Variants in ZFP82 observed in about 807,000 individuals in gnomAD.
ZFP82 encodes the protein ZFP82 zinc finger protein.
ZFP82 carries 30 observed loss-of-function variants against 54.0 expected under a neutral mutation model. The ratio of observed to expected loss-of-function variants is 0.56; its 90% CI spans 0.42 to 0.75. ZFP82 has a LOEUF of 0.75. Ranked by LOEUF, ZFP82 falls within the 30% of genes least tolerant of loss-of-function variation. ZFP82 has a pLI of 0.00. For synonymous variants in ZFP82, 194 were observed against 209.5 expected, an observed-to-expected ratio of 0.93 and a Z score of 0.64; for missense variants, 500 against 636.8, an observed-to-expected ratio of 0.79 and a Z score of 2.31.
intron 1 of ZFP82, among the ~76,000 whole-genome samples, chr19:36,411,081 T>C (rs2032571317): frequency 6.7e-6 from 1 of 149,310 alleles, no homozygotes; most frequent in Non-Finnish European, 1.5e-5. Context: ...TAATCCCAGT[T>C]ACTGGGGAGG....
intron 3 of ZFP82, among the ~76,000 whole-genome samples, chr19:36,406,816 T>C (rs2032489694): frequency 6.6e-6 from 1 of 152,160 alleles, no homozygotes; most frequent in Admixed American, 6.5e-5. Context: ...AATTATTTTG[T>C]CTTTTGACTA....
chr19:36,410,024 A>T (rs1302954981), intron 1 of ZFP82, among the ~76,000 whole-genome samples, 157 bp from the exon 2 acceptor site: 1 of 151,954 alleles, frequency 6.6e-6, no homozygotes, highest in Non-Finnish European at 1.5e-5. Context: ...GAGAGAGAGA[A>T]ATTTGAGGGA....
chr19:36,394,414 G>A (rs190799651), intron 4 of ZFP82: 3 of 303,492 alleles, frequency 9.9e-6, no homozygotes, highest in Admixed American at 9.7e-5. Flanking sequence ...AAACCACCTG[G>A]ATCAGACTCT....
intron 4 of ZFP82, among the ~76,000 whole-genome samples, chr19:36,402,468 C>CAAAAAAAAA (rs377338348): frequency 0.048 from 2,775 of 57,326 alleles, 650 homozygotes; most frequent in African/African-American, 0.12. Flanking sequence ...GACTCCATCT[C>CAAAAAAAAA]AAAAAAAAAA....
At chr19:36,402,621 T>C (rs2032407805) in intron 4 of ZFP82, among the ~76,000 whole-genome samples, 1 of 152,100 alleles carries the variant, frequency 6.6e-6, no homozygotes, top group South Asian at 2.1e-4. Flanking sequence ...TACCCTAAAA[T>C]AAGTGTCCTT....
intron 1 of ZFP82, among the ~76,000 whole-genome samples, chr19:36,415,878 T>A (rs2032660905): frequency 6.6e-6 from 1 of 152,216 alleles, no homozygotes; most frequent in Non-Finnish European, 1.5e-5. Context: ...ATGGGCTATT[T>A]TCACTCTCAA....
chr19:36,405,944 C>T (rs745347467), intron 3 of ZFP82, among the ~76,000 whole-genome samples: 1 of 152,120 alleles, frequency 6.6e-6, no homozygotes, highest in Non-Finnish European at 1.5e-5. Context: ...GGTGCAAATC[C>T]TGCCTGAACC....
rs1477564069 is a variant in ZFP82, at chr19:36,392,172, G to A, written c.*569C>T. 1.3e-5 allele frequency: 2 copies of A among 152,610 alleles called. No homozygotes were observed. The highest frequency in any genetic ancestry group is 2.9e-5 in the Non-Finnish European group (2 of 68,080). The allele number at this position is 152,610 out of a possible 1,614,324, so 9.5% of individuals were successfully genotyped here. On this transcript the variant is annotated 3_prime_UTR_variant, in exon 5 of 5. Transcript: ENST00000392161. ...GTGGATGTCAAGAAGACAGGGTTCA[G>A]CAGGTGCCTCTCCCTCTCTACGTAG...
chr19:36,401,633 C>T (rs555630253), intron 4 of ZFP82, among the ~76,000 whole-genome samples: 3 of 152,354 alleles, frequency 2.0e-5, no homozygotes, highest in South Asian at 2.1e-4. Flanking sequence ...GCCTCAGTAT[C>T]GGTGCTTCCT....
chr19:36,399,401 T>C (rs1056841608), intron 4 of ZFP82, among the ~76,000 whole-genome samples: 14 of 152,170 alleles, frequency 9.2e-5, no homozygotes, highest in African/African-American at 3.4e-4. Flanking sequence ...GTGTTCAAAG[T>C]GGTCAGATAA....
At chr19:36,411,021 T>C (rs1429575765) in intron 1 of ZFP82, among the ~76,000 whole-genome samples, 1 of 151,840 alleles carries the variant, frequency 6.6e-6, no homozygotes, top group East Asian at 2.0e-4. Flanking sequence ...GGTAAAACCC[T>C]GTCTCTACTA....
chr19:36,405,186 G>GAAAAAAAAAAAAAAAAA (rs35735133), intron 4 of ZFP82, among the ~76,000 whole-genome samples: 1 of 88,512 alleles, frequency 1.1e-5, no homozygotes. Context: ...CTGCATCTCA[G>GAAAAAAAAAAAAAAAAA]AAAAAAAAAA....
chr19:36,415,254 A>G (rs533908232), intron 1 of ZFP82, among the ~76,000 whole-genome samples: 67 of 152,376 alleles, frequency 4.4e-4, no homozygotes, highest in African/African-American at 1.6e-3. Flanking sequence ...ACATTAGAAT[A>G]GTAATATTTA....
chr19:36,403,379 C>T (rs12460470), intron 4 of ZFP82, among the ~76,000 whole-genome samples: 95,236 of 141,496 alleles, frequency 0.67, 32,515 homozygotes, highest in African/African-American at 0.75. Context: ...ATCCCAGCAC[C>T]TTGGGATCCA....
At chr19:36,395,248 C>T (rs1020897424) in intron 4 of ZFP82, 2 of 152,166 alleles carry the variant, frequency 1.3e-5, no homozygotes, top group African/African-American at 4.8e-5. Context: ...AGGAGTTCTA[C>T]CTACTCAATC....
chr19:36,405,709 T>TA (rs2032470604), intron 3 of ZFP82, 37 bp from the exon 4 acceptor site: 1 of 1,465,872 alleles, frequency 6.8e-7, no homozygotes, highest in Non-Finnish European at 9.3e-7. Flanking sequence ...TACATGAAAA[T>TA]AAAAAATAAA....
intron 4 of ZFP82, 23 bp from the exon 5 acceptor site, chr19:36,394,133 A>T: frequency 6.3e-7 from 1 of 1,575,776 alleles, no homozygotes. Flanking sequence ...AAGAAAGCAA[A>T]CACATGCTGT....
intron 1 of ZFP82, among the ~76,000 whole-genome samples, chr19:36,414,108 G>A (rs373526138): frequency 1.3e-4 from 20 of 151,864 alleles, no homozygotes; most frequent in African/African-American, 4.6e-4. Flanking sequence ...CACCATGTTA[G>A]CCAACATAGT....
chr19:36,416,013 T>C (rs1245153487), intron 1 of ZFP82, among the ~76,000 whole-genome samples: 1 of 152,234 alleles, frequency 6.6e-6, no homozygotes, highest in East Asian at 1.9e-4. Flanking sequence ...ACTAGTTTTA[T>C]ATTATGTATA....
Sources: gnomAD v4.1 joint callset for allele counts (sites outside exome capture counted in the v4.1 genomes callset) on GRCh38, gnomAD v4.1.1 for gene constraint, MANE v1.5 for transcripts, NCBI Gene and HGNC (gene_info 2026-07-23, HGNC 2026-07-21) for gene names.